The following PLB1 variants were observed in gnomAD, a reference collection of about 807,000 sequenced individuals.
PLB1 encodes phospholipase B1, also known as phospholipase B1, membrane-associated.
Under a neutral mutation model 227.4 loss-of-function variants are expected in PLB1, and 242 were observed. The observed-to-expected ratio is 1.06, with a 90% CI of 0.96 to 1.18. PLB1 has a LOEUF of 1.18. Ranked by LOEUF, PLB1 falls within the 50% of genes most tolerant of loss-of-function variation. The pLI is 0.00. For synonymous variants in PLB1, 757 were observed against 682.2 expected, an observed-to-expected ratio of 1.11 and a Z score of -1.71; for missense variants, 1,858 against 1,816.3, an observed-to-expected ratio of 1.02 and a Z score of -0.42.
intron 11 of PLB1, among the ~76,000 whole-genome samples, 186 bp downstream of exon 11, chr2:28,539,364 C>T (rs937801259): frequency 6.6e-6 from 1 of 152,120 alleles, no homozygotes; most frequent in Non-Finnish European, 1.5e-5. Context: ...GGGCCCTCTG[C>T]CAAGCATTGT....
intron 23 of PLB1, among the ~76,000 whole-genome samples, chr2:28,580,599 A>G (rs1679757200): frequency 6.6e-6 from 1 of 152,118 alleles, no homozygotes; most frequent in Non-Finnish European, 1.5e-5. Flanking sequence ...TTGTAGTCCC[A>G]GCTACTTGGG....
At position 28,578,119 on chromosome 2, in the gene PLB1, C is replaced by T; in HGVS notation, c.1446C>T (p.Val482=). The part of the protein sequence containing the change: ...VAGGRAEDLP[V]QARRLVDLMK... ...TATGTTTCCACAGGGATCTACCTGT[C>T]CAGGCCAGGAGGCTGGTGGACCTGA... The change falls in exon 22 of 58, where the codon GTC becomes GTT. Residue 482 remains valine, a synonymous_variant. Transcript: ENST00000327757. The T allele has an allele frequency of 1.2e-6, 2 of 1,614,144 alleles. No homozygotes were observed. Among genetic ancestry groups the T allele is most frequent in the Non-Finnish European group, 1.7e-6 (2 of 1,179,984 alleles).
intron 19 of PLB1, chr2:28,566,447 A>G: frequency 1.3e-5 from 3 of 231,964 alleles, no homozygotes; most frequent in Non-Finnish European, 2.5e-5. Context: ...AGGGCCAATA[A>G]TATTAATGCA....
At chr2:28,510,843 G>A (rs762803110) in intron 1 of PLB1, among the ~76,000 whole-genome samples, 1 of 149,930 alleles carries the variant, frequency 6.7e-6, no homozygotes. Flanking sequence ...GCTTAGGCTG[G>A]TCTTGAATTC....
intron 20 of PLB1, among the ~76,000 whole-genome samples, chr2:28,572,319 A>G (rs1678145213): frequency 6.6e-6 from 1 of 152,224 alleles, no homozygotes; most frequent in Admixed American, 6.5e-5. Flanking sequence ...AAAATGGTGC[A>G]CCTGCTTTGG....
At chr2:28,628,728 G>T (rs753959875) in intron 52 of PLB1, 100 bp downstream of exon 52, 11 of 1,178,632 alleles carry the variant, frequency 9.3e-6, no homozygotes, top group Admixed American at 8.8e-5. Flanking sequence ...GCAGAGACCC[G>T]CCATGAGTGA....
intron 56 of PLB1, chr2:28,633,364 A>T: frequency 3.4e-6 from 1 of 291,278 alleles, no homozygotes; most frequent in Non-Finnish European, 6.5e-6. Context: ...GTACTGTGTG[A>T]CCTTGGGCAA....
chr2:28,637,298 TTAAAAA>T (rs903231597), intron 56 of PLB1, among the ~76,000 whole-genome samples: 7 of 121,388 alleles, frequency 5.8e-5, no homozygotes, highest in African/African-American at 2.2e-4. Flanking sequence ...TGTCTCAAAT[TTAAAAA>T]AAAAAAAAAA....
At chr2:28,499,258 G>A (rs1351779852) in intron 1 of PLB1, among the ~76,000 whole-genome samples, 1 of 151,730 alleles carries the variant, frequency 6.6e-6, no homozygotes, top group African/African-American at 2.4e-5. Flanking sequence ...TACTTTTAAT[G>A]CTGTTTAATG....
intron 18 of PLB1, among the ~76,000 whole-genome samples, chr2:28,564,855 C>G (rs1030670740): frequency 4.1e-5 from 2 of 48,920 alleles, no homozygotes; most frequent in African/African-American, 2.1e-4. Context: ...CATTTTATTA[C>G]TACATTTTAA....
chr2:28,547,834 A>T (rs1178525555), intron 14 of PLB1, among the ~76,000 whole-genome samples: 1 of 114,630 alleles, frequency 8.7e-6, no homozygotes, highest in Admixed American at 9.3e-5. Flanking sequence ...ATGAACATTT[A>T]AAAATAACAA....
chr2:28,618,310 C>T (rs1300128787), intron 45 of PLB1, 31 bp from the exon 46 acceptor site: 4 of 1,608,558 alleles, frequency 2.5e-6, no homozygotes, highest in Admixed American at 1.7e-5. Flanking sequence ...CCCCCAGCCC[C>T]CACAACCACC....
chr2:28,543,070 T>G, intron 13 of PLB1, 142 bp from the exon 14 acceptor site: 1 of 799,078 alleles, frequency 1.3e-6, no homozygotes, highest in Non-Finnish European at 1.9e-6. Flanking sequence ...AGTGCCCCTG[T>G]TATTGATGAG....
chr2:28,565,267 T>C lies in PLB1; in HGVS notation c.1207-13T>C. On this transcript the variant is annotated splice_polypyrimidine_tract_variant and intron_variant, in intron 18 of 57. Transcript: ENST00000327757. The stretch of plus-strand genomic sequence containing the variant: ...AAAGCAGAGAAACTCACCCCCTCAT[T>C]GTTCCCTCTCAGGCAGGCAATGGGG... The C allele has an allele frequency of 6.2e-7, 1 of 1,608,502 alleles. No individual in the cohort carries two copies. The highest frequency in any genetic ancestry group is 1.1e-5 in the South Asian group (1 of 89,458).
intron 33 of PLB1, chr2:28,595,574 G>GT (rs1217373101): frequency 6.6e-6 from 1 of 152,124 alleles, no homozygotes; most frequent in Non-Finnish European, 1.5e-5. Context: ...ATCTATTTAA[G>GT]TTTTATCTGT....
chr2:28,632,535 A>C (rs563541008), intron 55 of PLB1, among the ~76,000 whole-genome samples: 1 of 152,270 alleles, frequency 6.6e-6, no homozygotes, highest in Non-Finnish European at 1.5e-5. Context: ...CATGCCTGTA[A>C]TCTCAGCCTT....
At chr2:28,529,450 C>G in intron 7 of PLB1, 43 bp downstream of exon 7, 1 of 1,468,304 alleles carries the variant, frequency 6.8e-7, no homozygotes, top group Non-Finnish European at 9.5e-7. Flanking sequence ...TGTGTTCCTA[C>G]TGGTCTTCAA....
At position 28,604,745 on chromosome 2, in the gene PLB1, C is replaced by T. The variant is rs745665136; in HGVS notation, c.2947C>T (p.Leu983Phe). 1.2e-6 allele frequency: 2 copies of T among 1,614,110 alleles called. No individual in the cohort carries two copies. The highest frequency in any genetic ancestry group is 1.7e-6 in the Non-Finnish European group (2 of 1,179,958). The part of the protein sequence containing the change: ...VLQPFFQNIQ[L>F]PVLADGLPDT... ...GCAGCCCTTCTTCCAGAACATCCAG[C>T]TCCCTGTCCTGGCGGTATGTCCCCT... Residue 983 changes from leucine to phenylalanine, a missense_variant, in exon 41 of 58, where the codon CTC becomes TTC. Coordinates refer to ENST00000327757, the MANE Select transcript of PLB1 (RefSeq NM_153021.5).
chr2:28,605,877 T>C lies in PLB1; in HGVS notation c.2986T>C (p.Phe996Leu). 2.5e-6 allele frequency: 4 copies of C among 1,613,852 alleles called. No individual in the cohort carries two copies. The highest frequency in any genetic ancestry group is 3.4e-6 in the Non-Finnish European group (4 of 1,179,774). The stretch of plus-strand genomic sequence containing the variant: ...GGATGGGCTCCCAGATACGTCCTTC[T>C]TTGCCCCAGACTGCATCCACCCAAA... ...LADGLPDTSF[F>L]APDCIHPNQK... Residue 996 changes from phenylalanine to leucine, a missense_variant, in exon 42 of 58, where the codon TTT becomes CTT. Transcript: ENST00000327757.
Sources: gnomAD v4.1 joint callset for allele counts (sites outside exome capture counted in the v4.1 genomes callset) on GRCh38, gnomAD v4.1.1 for gene constraint, MANE v1.5 for transcripts, NCBI Gene and HGNC (gene_info 2026-07-23, HGNC 2026-07-21) for gene names.